The following JADE1 variants were observed in gnomAD, a reference collection of about 807,000 sequenced individuals.
The protein encoded by JADE1 is protein Jade-1.
In JADE1, 14 loss-of-function variants were observed where a neutral mutation model predicts 81.8. That is an observed-to-expected ratio of 0.17 (90% CI 0.11 to 0.27). The LOEUF (loss-of-function observed/expected upper bound fraction) is 0.27, where lower values mean the gene tolerates loss of function less well. JADE1 is among the 10% of genes least tolerant of loss of function. The pLI is 1.00. For synonymous variants in JADE1, 353 were observed against 391.9 expected (o/e 0.90, Z 1.17); for missense variants, 690 against 1,047.9 (o/e 0.66, Z 4.71).
At chr4:128,829,061 G>A (rs1695591788) in intron 1 of JADE1, among the ~76,000 whole-genome samples, 1 of 152,138 alleles carries the variant, frequency 6.6e-6, no homozygotes, top group Non-Finnish European at 1.5e-5. Context: ...TGGATCCTGA[G>A]GGGACCCAGA....
rs146246131 is a variant in JADE1, at chr4:128,845,588, G to A, written c.139-787G>A. Among the ~76,000 whole-genome samples, 893 of 152,168 alleles carry A rather than the reference G, an allele frequency of 5.9e-3. 5 individuals carry two copies. The highest frequency in any genetic ancestry group is 9.0e-3 in the Non-Finnish European group (610 of 67,982). Reference sequence around the variant, plus strand: ...ACCATAAACCCTGGTGCCCTGGGAGGTAGGGCCTGGGTGGGGGCAGTCTCA... The same window carrying A: ...ACCATAAACCCTGGTGCCCTGGGAGATAGGGCCTGGGTGGGGGCAGTCTCA... On this transcript the variant is annotated intron_variant, in intron 3 of 10. Transcript: ENST00000226319.
intron 2 of JADE1, among the ~76,000 whole-genome samples, chr4:128,836,591 G>A (rs1450141424): frequency 6.6e-6 from 1 of 152,074 alleles, no homozygotes; most frequent in East Asian, 1.9e-4. Flanking sequence ...TGTTCAAGAG[G>A]CAACTATGTT....
intron 2 of JADE1, among the ~76,000 whole-genome samples, chr4:128,834,534 T>C (rs28434631): frequency 0.021 from 3,006 of 146,082 alleles, 128 homozygotes; most frequent in African/African-American, 0.071. Context: ...ATATTTCTTT[T>C]TTTTTTTTTT....
At chr4:128,848,904 A>T (rs1730102448) in intron 4 of JADE1, 76 bp from the exon 5 acceptor site, 1 of 1,453,458 alleles carries the variant, frequency 6.9e-7, no homozygotes, top group Non-Finnish European at 9.6e-7. Context: ...AGAGGAAGAC[A>T]TTTGGGGCCT....
chr4:128,870,240 G>T (rs1438589292), intron 10 of JADE1, among the ~76,000 whole-genome samples: 1 of 152,216 alleles, frequency 6.6e-6, no homozygotes, highest in African/African-American at 2.4e-5. Flanking sequence ...AAACCAGCAG[G>T]TTGTAAAACA....
chr4:128,824,460 C>T (rs1468606913), intron 1 of JADE1, among the ~76,000 whole-genome samples: 3 of 152,022 alleles, frequency 2.0e-5, no homozygotes, highest in African/African-American at 7.2e-5. Flanking sequence ...TCATAAAATA[C>T]TTAGTTTTAT....
intron 3 of JADE1, among the ~76,000 whole-genome samples, chr4:128,845,170 G>A (rs1729761741): frequency 6.6e-6 from 1 of 152,234 alleles, no homozygotes; most frequent in Non-Finnish European, 1.5e-5. Context: ...GGAGCCAGCT[G>A]TGCAGCCCTG....
At chr4:128,855,270 T>C (rs17013822) in intron 6 of JADE1, among the ~76,000 whole-genome samples, 1 of 152,248 alleles carries the variant, frequency 6.6e-6, no homozygotes, top group Non-Finnish European at 1.5e-5. Flanking sequence ...GAGGACTTAC[T>C]GCTCAATATT....
Position 128,872,246 on chromosome 4 carries a change from G to A in JADE1, c.2513G>A (p.Ser838Asn). ...AGAAGGACAGACATTATCAGGAGAAGCATCTTGGCTTCTTGATGCAACAGA... is the reference window on the plus strand; with the variant it reads ...AGAAGGACAGACATTATCAGGAGAAACATCTTGGCTTCTTGATGCAACAGA... ...ISRRTDIIRR[S>N]ILAS Residue 838 changes from serine to asparagine, a missense_variant, in exon 11 of 11, where the codon AGC (serine) becomes AAC (asparagine). This residue lies in a region of JADE1 where 218 missense variants were observed against 274.3 expected (regional missense o/e 0.79). Transcript: ENST00000226319. The A allele has an allele frequency of 6.2e-7, 1 of 1,613,446 alleles. No homozygotes were observed. The highest frequency in any genetic ancestry group is 8.5e-7 in the Non-Finnish European group (1 of 1,179,392).
At chr4:128,845,150 G>A (rs952931509) in intron 3 of JADE1, among the ~76,000 whole-genome samples, 1 of 152,224 alleles carries the variant, frequency 6.6e-6, no homozygotes. Context: ...CCAAGGACGA[G>A]GCTTGAGAGG....
intron 9 of JADE1, chr4:128,862,859 AC>A (rs1320108483): frequency 2.0e-6 from 2 of 988,074 alleles, no homozygotes; most frequent in Admixed American, 1.2e-4. Context: ...TACAGAAGAT[AC>A]TCCTGGCAGT....
intron 1 of JADE1, among the ~76,000 whole-genome samples, chr4:128,815,975 A>T (rs141256543): frequency 4.2e-4 from 63 of 151,172 alleles, no homozygotes; most frequent in African/African-American, 1.5e-3. Context: ...CCTCCCTTGT[A>T]CAAGCCTTTA....
chr4:128,813,796 A>G (rs575896309), intron 1 of JADE1, among the ~76,000 whole-genome samples: 10 of 152,130 alleles, frequency 6.6e-5, no homozygotes, highest in East Asian at 3.9e-4. Flanking sequence ...GGATACTTCT[A>G]TAAGTGTCTT....
intron 5 of JADE1, among the ~76,000 whole-genome samples, chr4:128,849,804 G>A (rs78594707): frequency 0.041 from 6,291 of 152,200 alleles, 190 homozygotes; most frequent in Non-Finnish European, 0.068. Context: ...TTGAGACTGG[G>A]ATGGCGTATA....
chr4:128,828,288 C>A (rs1295765539), intron 1 of JADE1, among the ~76,000 whole-genome samples: 1 of 152,104 alleles, frequency 6.6e-6, no homozygotes, highest in African/African-American at 2.4e-5. Flanking sequence ...TTAGCCATTG[C>A]CCTGAGAGTC....
At chr4:128,867,722 A>G in intron 9 of JADE1, 134 bp from the exon 10 acceptor site, 1 of 524,692 alleles carries the variant, frequency 1.9e-6, no homozygotes, top group Non-Finnish European at 3.4e-6. Flanking sequence ...TAAAATGTTT[A>G]AAGTACCTAT....
rs1461725670 is a variant in JADE1 at position 128,809,853 on chromosome 4, C to A, written c.-51C>A. The A allele has an allele frequency of 6.6e-6, 1 of 150,560 alleles. No homozygotes were observed. The highest frequency in any genetic ancestry group is 1.9e-4 in the East Asian group (1 of 5,166). 9.3% of individuals were successfully genotyped at this position (150,560 alleles called of 1,614,324 possible). ...CGAGCGAGCGGCGCCCAGCCCAGCGCCTCGGCCGAACCCCTCCGCAGCAGG... is the reference window on the plus strand; with the variant it reads ...CGAGCGAGCGGCGCCCAGCCCAGCGACTCGGCCGAACCCCTCCGCAGCAGG... On this transcript the variant is annotated 5_prime_UTR_variant, in exon 1 of 11. Coordinates refer to ENST00000226319, the MANE Select transcript of JADE1 (RefSeq NM_199320.4).
At chr4:128,840,583 C>T (rs1579164271) in intron 2 of JADE1, among the ~76,000 whole-genome samples, 1 of 152,138 alleles carries the variant, frequency 6.6e-6, no homozygotes, top group Non-Finnish European at 1.5e-5. Flanking sequence ...TGGAGGATGG[C>T]CTCCAGGACA....
chr4:128,872,218 A>C lies in JADE1; in HGVS notation c.2485A>C (p.Ser829Arg), dbSNP rs1348361810. ...ATGTATACACACCAGCAGCACTATC[A>C]GCAGAAGGACAGACATTATCAGGAG... is the stretch of plus-strand genomic sequence containing the variant. ...KKCIHTSSTI[S>R]RRTDIIRRSI... Residue 829 changes from serine to arginine, a missense_variant, in exon 11 of 11, where the codon AGC (serine) becomes CGC (arginine). This residue lies in a region of JADE1 where 218 missense variants were observed against 274.3 expected (regional missense o/e 0.79). Coordinates refer to ENST00000226319, the MANE Select transcript of JADE1 (RefSeq NM_199320.4). The C allele has an allele frequency of 6.2e-7, 1 of 1,614,220 alleles. No homozygotes were observed.
Sources: allele counts gnomAD v4.1 joint callset (sites outside exome capture counted in the v4.1 genomes callset), GRCh38; gene constraint gnomAD v4.1.1; regional missense constraint gnomAD v4.1.1; transcripts MANE v1.5; gene names NCBI Gene and HGNC (gene_info 2026-07-23, HGNC 2026-07-21).